The following LRP1B variants were observed in gnomAD, a reference collection of about 807,000 sequenced individuals.
The protein encoded by LRP1B is LDL receptor related protein 1B, also known as low-density lipoprotein receptor-related protein 1B.
A neutral mutation model predicts 556.6 loss-of-function variants in LRP1B; 217 were observed. The ratio of observed to expected loss-of-function variants is 0.39; its 90% CI spans 0.35 to 0.44. LRP1B has a LOEUF of 0.44. Ranked by LOEUF, LRP1B falls within the 20% of genes least tolerant of loss-of-function variation. The pLI, the probability that LRP1B is intolerant of heterozygous loss-of-function variation, is 1.00. For missense variants in LRP1B, 5,053 were observed against 5,620.8 expected (o/e 0.90, Z 3.23); for synonymous variants, 2,047 against 1,865.8 (o/e 1.10, Z -2.50).
chr2:140,658,644 C>T (rs1684972637), intron 41 of LRP1B, among the ~76,000 whole-genome samples: 1 of 151,894 alleles, frequency 6.6e-6, no homozygotes. Flanking sequence ...ATTGATATGA[C>T]AGTACATTAG....
intron 32 of LRP1B, among the ~76,000 whole-genome samples, chr2:140,785,622 C>G (rs1689868309): frequency 6.6e-6 from 1 of 152,110 alleles, no homozygotes; most frequent in African/African-American, 2.4e-5. Context: ...AGTATTCTCA[C>G]TTACGACTTC....
In LRP1B at chr2:140,436,271, T is replaced by A. The variant is rs1457825483; in HGVS notation, c.10414+6233A>T. ...TTTTCATTACAGCTATTTTAAAAGT[T>A]TAGAAATATACCAGAAGTTAAATTA... On this transcript the variant is annotated intron_variant, in intron 66 of 90. Coordinates refer to ENST00000389484, the MANE Select transcript of LRP1B (RefSeq NM_018557.3). Among the ~76,000 whole-genome samples the A allele has an allele frequency of 4.6e-5, 7 of 152,258 alleles. 1 individual carries two copies. The highest frequency in any genetic ancestry group is 3.9e-4 in the East Asian group (2 of 5,180).
At chr2:141,092,044 T>C (rs1236038612) in intron 7 of LRP1B, among the ~76,000 whole-genome samples, 1 of 152,214 alleles carries the variant, frequency 6.6e-6, no homozygotes, top group Non-Finnish European at 1.5e-5. Flanking sequence ...TTGGAATCTT[T>C]ATTTAGAAGT....
intron 1 of LRP1B, among the ~76,000 whole-genome samples, chr2:141,867,707 A>C (rs188699093): frequency 6.6e-6 from 1 of 152,300 alleles, no homozygotes; most frequent in South Asian, 2.1e-4. Context: ...TCAATAATAG[A>C]AAGGTAAGAC....
At chr2:141,579,334 C>A (rs1442770500) in intron 2 of LRP1B, among the ~76,000 whole-genome samples, 1 of 152,114 alleles carries the variant, frequency 6.6e-6, no homozygotes, top group Non-Finnish European at 1.5e-5. Context: ...AAAATGAAAT[C>A]ATCAACTAAA....
At chr2:141,114,122 C>T (rs1047346258) in intron 7 of LRP1B, among the ~76,000 whole-genome samples, 2 of 152,232 alleles carry the variant, frequency 1.3e-5, no homozygotes, top group African/African-American at 2.4e-5. Flanking sequence ...TGCTCGGCTG[C>T]CATGTGCTCA....
At chr2:141,279,270 A>T (rs1047803503) in intron 3 of LRP1B, among the ~76,000 whole-genome samples, 4 of 149,276 alleles carry the variant, frequency 2.7e-5, no homozygotes, top group African/African-American at 1.0e-4. Context: ...AATATTGAGT[A>T]TTTTGGGGAA....
chr2:142,026,575 A>C (rs1318065919), intron 1 of LRP1B, among the ~76,000 whole-genome samples: 1 of 152,092 alleles, frequency 6.6e-6, no homozygotes, highest in Non-Finnish European at 1.5e-5. Flanking sequence ...CCAATTAGGT[A>C]AGTTTACTGA....
chr2:142,130,684 G>T lies in LRP1B; in HGVS notation c.46C>A (p.Pro16Thr). The part of the protein sequence containing the change: ...LALLTLSGLL[P>T]IARVLTVGAD... ...CCCACGGTCAGCACCCTGGCAATCG[G>T]CAATAATCCCGAGAGAGTGAGTAAG... Residue 16 changes from proline to threonine, a missense_variant, in exon 1 of 91, where the codon CCG becomes ACG. Pro to Thr is a conservative substitution (Grantham distance 38). This residue lies in a region of LRP1B where 3,619 missense variants were observed against 3,931.9 expected (regional missense o/e 0.92). Coordinates refer to ENST00000389484, the MANE Select transcript of LRP1B (RefSeq NM_018557.3). The T allele has an allele frequency of 6.2e-7, 1 of 1,613,450 alleles. No homozygotes were observed. The highest frequency in any genetic ancestry group is 8.5e-7 in the Non-Finnish European group (1 of 1,179,710).
At chr2:140,716,640 A>G (rs1687220739) in intron 36 of LRP1B, 42 bp downstream of exon 36, 1 of 1,554,990 alleles carries the variant, frequency 6.4e-7, no homozygotes, top group African/African-American at 1.4e-5. Flanking sequence ...GCCCCTAACA[A>G]AATAGGTGTG....
At chr2:141,892,683 C>T (rs781567031) in intron 1 of LRP1B, among the ~76,000 whole-genome samples, 2 of 152,100 alleles carry the variant, frequency 1.3e-5, no homozygotes, top group Non-Finnish European at 2.9e-5. Context: ...ACCAATTTTA[C>T]AGATGAATAA....
intron 1 of LRP1B, among the ~76,000 whole-genome samples, chr2:141,939,710 G>A (rs1192754812): frequency 6.6e-6 from 1 of 151,986 alleles, no homozygotes; most frequent in Non-Finnish European, 1.5e-5. Context: ...ATAGATAATG[G>A]TATATCACTG....
At chr2:141,911,826 G>A (rs908982054) in intron 1 of LRP1B, among the ~76,000 whole-genome samples, 2 of 138,834 alleles carry the variant, frequency 1.4e-5, no homozygotes, top group African/African-American at 5.4e-5. Flanking sequence ...GTGAGGGACT[G>A]GTCTCAATGC....
intron 32 of LRP1B, among the ~76,000 whole-genome samples, chr2:140,801,773 GT>G (rs1690521957): frequency 6.6e-6 from 1 of 152,080 alleles, no homozygotes; most frequent in African/African-American, 2.4e-5. Flanking sequence ...GCCTTTGAAA[GT>G]GGCTAAGTAG....
intron 1 of LRP1B, among the ~76,000 whole-genome samples, chr2:141,980,503 C>G (rs1209651641): frequency 6.6e-6 from 1 of 152,056 alleles, no homozygotes; most frequent in African/African-American, 2.4e-5. Context: ...CCCATCTCAC[C>G]TCATCTGCTT....
intron 43 of LRP1B, among the ~76,000 whole-genome samples, chr2:140,573,869 T>C (rs1465025386): frequency 6.6e-6 from 1 of 152,066 alleles, no homozygotes; most frequent in African/African-American, 2.4e-5. Flanking sequence ...TCTCACACTT[T>C]GAACTATTTC....
chr2:141,385,216 A>G (rs536806535), intron 3 of LRP1B, among the ~76,000 whole-genome samples: 2 of 152,352 alleles, frequency 1.3e-5, no homozygotes, highest in South Asian at 4.1e-4. Context: ...AATACACACA[A>G]TACAAATGAG....
intron 3 of LRP1B, among the ~76,000 whole-genome samples, chr2:141,415,268 C>CTCTAA (rs1457516064): frequency 6.6e-6 from 1 of 152,206 alleles, no homozygotes; most frequent in Non-Finnish European, 1.5e-5. Flanking sequence ...CTGCCTCGGC[C>CTCTAA]TCCCAAAGTG....
chr2:141,876,107 A>G (rs1698749816), intron 1 of LRP1B, among the ~76,000 whole-genome samples: 1 of 151,994 alleles, frequency 6.6e-6, no homozygotes, highest in African/African-American at 2.4e-5. Flanking sequence ...TTTAACTGTC[A>G]GGAATAACTC....
Sources: allele counts gnomAD v4.1 joint callset (sites outside exome capture counted in the v4.1 genomes callset), GRCh38; gene constraint gnomAD v4.1.1; regional missense constraint gnomAD v4.1.1; transcripts MANE v1.5; gene names NCBI Gene and HGNC (gene_info 2026-07-23, HGNC 2026-07-21).